Variants in NR3C2 observed in about 807,000 individuals in gnomAD.
NR3C2 encodes the protein nuclear receptor subfamily 3 group C member 2, also known as mineralocorticoid receptor.
A neutral mutation model predicts 86.4 loss-of-function variants in NR3C2; 15 were observed. The ratio of observed to expected loss-of-function variants is 0.17; its 90% CI spans 0.12 to 0.27. NR3C2 has a LOEUF of 0.27. NR3C2 is among the 10% of genes least tolerant of loss of function. The pLI, the probability that NR3C2 is intolerant of heterozygous loss-of-function variation, is 1.00. For synonymous variants in NR3C2, 458 were observed against 450.5 expected (o/e 1.02, Z -0.21); for missense variants, 960 against 1,195.6 (o/e 0.80, Z 2.91).
intron 2 of NR3C2, among the ~76,000 whole-genome samples, chr4:148,397,349 G>C (rs1747912733): frequency 6.6e-6 from 1 of 152,196 alleles, no homozygotes; most frequent in South Asian, 2.1e-4. Flanking sequence ...AGGCAGCCTT[G>C]TGCAGTGAAA....
intron 2 of NR3C2, among the ~76,000 whole-genome samples, chr4:148,370,421 T>C (rs781259181): frequency 6.6e-6 from 1 of 152,238 alleles, no homozygotes; most frequent in Non-Finnish European, 1.5e-5. Flanking sequence ...ACTTTTATTT[T>C]GTTAAAGTTT....
chr4:148,345,614 G>A (rs895450166), intron 2 of NR3C2, among the ~76,000 whole-genome samples: 2 of 151,742 alleles, frequency 1.3e-5, no homozygotes, highest in East Asian at 1.9e-4. Flanking sequence ...TGACTTGTTC[G>A]AAAGAAGAAA....
At chr4:148,156,598 C>T (rs1269539617) in intron 4 of NR3C2, among the ~76,000 whole-genome samples, 1 of 152,180 alleles carries the variant, frequency 6.6e-6, no homozygotes, top group Non-Finnish European at 1.5e-5. Flanking sequence ...ATCAAAACCA[C>T]AATGAGACAC....
At chr4:148,237,626 C>T (rs1738809392) in intron 3 of NR3C2, among the ~76,000 whole-genome samples, 1 of 103,782 alleles carries the variant, frequency 9.6e-6, no homozygotes, top group South Asian at 3.8e-4. Context: ...TTCTGCAGCG[C>T]TTCAATAATT....
chr4:148,206,471 G>A (rs1295983726), intron 3 of NR3C2, among the ~76,000 whole-genome samples: 3 of 152,156 alleles, frequency 2.0e-5, no homozygotes, highest in Admixed American at 6.5e-5. Flanking sequence ...TGTCAAAGCC[G>A]AGTAGATATT....
intron 2 of NR3C2, among the ~76,000 whole-genome samples, chr4:148,413,836 A>G (rs1411570051): frequency 1.3e-5 from 2 of 152,214 alleles, no homozygotes; most frequent in Non-Finnish European, 2.9e-5. Flanking sequence ...TACCTTACAC[A>G]TACTGATGAG....
intron 4 of NR3C2, among the ~76,000 whole-genome samples, chr4:148,161,176 T>C (rs1388925700): frequency 6.6e-6 from 1 of 150,986 alleles, no homozygotes; most frequent in Non-Finnish European, 1.5e-5. Context: ...TTAAGAAAGT[T>C]GAATACAGGT....
upstream of NR3C2, chr4:148,442,669 G>C (rs370325469): frequency 3.1e-5 from 31 of 985,382 alleles, no homozygotes; most frequent in African/African-American, 4.9e-4. Flanking sequence ...CACCAGGCGG[G>C]CGACATGACT....
At chr4:148,173,247 C>G (rs1280221426) in intron 4 of NR3C2, among the ~76,000 whole-genome samples, 3 of 152,186 alleles carry the variant, frequency 2.0e-5, no homozygotes, top group African/African-American at 7.2e-5. Flanking sequence ...ACTTCACCTC[C>G]CAATCCCTGG....
At chr4:148,293,081 G>A (rs1579115137) in intron 2 of NR3C2, among the ~76,000 whole-genome samples, 2 of 152,240 alleles carry the variant, frequency 1.3e-5, no homozygotes, top group South Asian at 2.1e-4. Context: ...AAATCTTGAA[G>A]TAAGAACATC....
intron 2 of NR3C2, among the ~76,000 whole-genome samples, chr4:148,414,934 T>C (rs2126583274): frequency 6.6e-6 from 1 of 152,328 alleles, no homozygotes; most frequent in Non-Finnish European, 1.5e-5. Flanking sequence ...TTAACAGTAT[T>C]AGGGTTATTA....
At chr4:148,328,685 G>A (rs1201150865) in intron 2 of NR3C2, among the ~76,000 whole-genome samples, 5 of 152,156 alleles carry the variant, frequency 3.3e-5, no homozygotes, top group Non-Finnish European at 5.9e-5. Flanking sequence ...TTAGTAAAGA[G>A]GTCATCATTA....
intron 2 of NR3C2, among the ~76,000 whole-genome samples, chr4:148,302,897 A>G (rs1352506537): frequency 2.0e-5 from 3 of 151,860 alleles, no homozygotes; most frequent in Non-Finnish European, 2.9e-5. Context: ...CAGGAACCAC[A>G]TGCTCTTGAG....
chr4:148,285,379 A>G (rs1459387820), intron 2 of NR3C2, among the ~76,000 whole-genome samples: 2 of 152,196 alleles, frequency 1.3e-5, no homozygotes, highest in African/African-American at 4.8e-5. Context: ...GTTTATAGAA[A>G]AGTCCAGAAA....
At chr4:148,307,600 C>G (rs1343662066) in intron 2 of NR3C2, among the ~76,000 whole-genome samples, 2 of 152,098 alleles carry the variant, frequency 1.3e-5, no homozygotes, top group African/African-American at 2.4e-5. Context: ...CCCATGTGAT[C>G]TTCATTCACA....
At chr4:148,260,291 T>C (rs540135552) in intron 2 of NR3C2, among the ~76,000 whole-genome samples, 174 bp from the exon 3 acceptor site, 1 of 152,208 alleles carries the variant, frequency 6.6e-6, no homozygotes, top group Non-Finnish European at 1.5e-5. Flanking sequence ...AGTGGAGCAA[T>C]GCTATCAAGG....
chr4:148,141,543 TA>T (rs1733612097), intron 6 of NR3C2, among the ~76,000 whole-genome samples: 1 of 151,426 alleles, frequency 6.6e-6, no homozygotes, highest in Admixed American at 6.6e-5. Flanking sequence ...ATATCTGGAG[TA>T]AAAAACATAT....
chr4:148,159,578 T>A (rs750806422), intron 4 of NR3C2, among the ~76,000 whole-genome samples: 2 of 152,202 alleles, frequency 1.3e-5, no homozygotes, highest in Non-Finnish European at 2.9e-5. Context: ...ATAACTACTT[T>A]TTCATATTGC....
At chr4:148,120,021 C>G (rs1050019073) in intron 7 of NR3C2, 137 bp downstream of exon 7, 38 of 1,186,054 alleles carry the variant, frequency 3.2e-5, no homozygotes, top group Admixed American at 1.5e-4. Context: ...CAAAGCCTTC[C>G]TCCCATTTCT....
Sources: allele counts gnomAD v4.1 joint callset (sites outside exome capture counted in the v4.1 genomes callset), GRCh38; gene constraint gnomAD v4.1.1; transcripts MANE v1.5; gene names NCBI Gene and HGNC (gene_info 2026-07-23, HGNC 2026-07-21).